Variants in THADA observed in about 807,000 individuals in gnomAD.
THADA encodes THADA armadillo repeat containing, also known as tRNA (32-2'-O)-methyltransferase regulator THADA.
A neutral mutation model predicts 219.8 loss-of-function variants in THADA; 213 were observed. The ratio of observed to expected loss-of-function variants is 0.97; its 90% CI spans 0.87 to 1.09. The LOEUF (loss-of-function observed/expected upper bound fraction) is 1.09. THADA is among the 50% of genes least tolerant of loss of function. THADA has a pLI of 0.00. For synonymous variants in THADA, 1,018 were observed against 828.9 expected, an observed-to-expected ratio of 1.23 and a Z score of -3.92; for missense variants, 2,956 against 2,311.3, an observed-to-expected ratio of 1.28 and a Z score of -5.72.
At chr2:43,595,098 C>T (rs1231912418) in intron 1 of THADA, among the ~76,000 whole-genome samples, 1 of 152,082 alleles carries the variant, frequency 6.6e-6, no homozygotes, top group African/African-American at 2.4e-5. Flanking sequence ...AAACACTTCA[C>T]GAATAAACAA....
At chr2:43,523,309 A>G (rs112146308) in intron 22 of THADA, among the ~76,000 whole-genome samples, 9 of 151,952 alleles carry the variant, frequency 5.9e-5, no homozygotes, top group African/African-American at 2.2e-4. Flanking sequence ...AGAAGTTGCA[A>G]TGAGCCAAGA....
intron 26 of THADA, among the ~76,000 whole-genome samples, chr2:43,453,700 G>A (rs1272056111): frequency 6.6e-6 from 1 of 152,172 alleles, no homozygotes; most frequent in Non-Finnish European, 1.5e-5. Context: ...AAAGGAATTT[G>A]CTTGGCCCCA....
At chr2:43,585,573 T>C (rs1003195459) in intron 7 of THADA, among the ~76,000 whole-genome samples, 1 of 138,362 alleles carries the variant, frequency 7.2e-6, no homozygotes, top group African/African-American at 3.2e-5. Flanking sequence ...GATAGATAGA[T>C]AGATAGAAAG....
chr2:43,533,714 G>A (rs1185202442), intron 21 of THADA, among the ~76,000 whole-genome samples: 1 of 152,122 alleles, frequency 6.6e-6, no homozygotes, highest in Non-Finnish European at 1.5e-5. Context: ...CACAGGGAGG[G>A]GAACATCACA....
intron 26 of THADA, among the ~76,000 whole-genome samples, chr2:43,453,428 G>A (rs1411953810): frequency 6.6e-6 from 1 of 152,122 alleles, no homozygotes; most frequent in Admixed American, 6.5e-5. Context: ...AGAACATTTT[G>A]GACATCTTAG....
chr2:43,239,298 C>T (rs1187396557), intron 36 of THADA, among the ~76,000 whole-genome samples: 1 of 152,186 alleles, frequency 6.6e-6, no homozygotes, highest in East Asian at 1.9e-4. Flanking sequence ...CTATCAGAAA[C>T]CCTGTTATGT....
intron 29 of THADA, among the ~76,000 whole-genome samples, chr2:43,385,906 G>C (rs1391584376): frequency 6.6e-6 from 1 of 150,540 alleles, no homozygotes; most frequent in African/African-American, 2.4e-5. Context: ...AATAATCTTA[G>C]ACCTTTTTAG....
rs1002805504 is a variant in THADA at position 43,286,694 on chromosome 2, C to T, written c.5164+214G>A. Among the ~76,000 whole-genome samples the T allele has an allele frequency of 2.0e-5, 3 of 152,154 alleles. No individual in the cohort carries two copies. The South Asian group carries it at 6.2e-4, about 32-fold the overall frequency. On this transcript the variant is annotated intron_variant, in intron 35 of 37. Transcript: ENST00000405975. The stretch of plus-strand genomic sequence containing the variant: ...AAGCCGAGATCGTACCACTGCACTC[C>T]AGCCTGGGTGACAAGAGTGAAACTC...
chr2:43,343,232 C>T (rs888940227), intron 30 of THADA: 7 of 152,144 alleles, frequency 4.6e-5, no homozygotes, highest in African/African-American at 1.2e-4. Flanking sequence ...GATGGGGTCT[C>T]GTTATGTTGT....
chr2:43,323,497 A>C (rs1287588635), intron 30 of THADA, among the ~76,000 whole-genome samples: 2 of 152,148 alleles, frequency 1.3e-5, no homozygotes, highest in Non-Finnish European at 2.9e-5. Flanking sequence ...TATCATTCCC[A>C]ATGGTAAAAT....
At chr2:43,575,904 T>G (rs755005445) in intron 10 of THADA, among the ~76,000 whole-genome samples, 1 of 152,170 alleles carries the variant, frequency 6.6e-6, no homozygotes, top group Non-Finnish European at 1.5e-5. Flanking sequence ...GGCTTCTCTG[T>G]GATAAAAATA....
intron 3 of THADA, among the ~76,000 whole-genome samples, chr2:43,591,617 T>C (rs1260802389): frequency 3.3e-5 from 5 of 152,126 alleles, no homozygotes; most frequent in Non-Finnish European, 7.4e-5. Context: ...TACTAATAAG[T>C]ATAATCTTTA....
chr2:43,287,831 A>G (rs919731657), intron 34 of THADA, among the ~76,000 whole-genome samples: 2 of 152,192 alleles, frequency 1.3e-5, no homozygotes, highest in African/African-American at 4.8e-5. Context: ...CAGGTGATTA[A>G]GTTCTGAAGA....
chr2:43,414,593 C>T (rs1263106600), intron 28 of THADA, among the ~76,000 whole-genome samples: 1 of 152,160 alleles, frequency 6.6e-6, no homozygotes, highest in Non-Finnish European at 1.5e-5. Flanking sequence ...AAATAAGGAA[C>T]CCACTATTCC....
chr2:43,274,193 C>T (rs1167921626), intron 36 of THADA, among the ~76,000 whole-genome samples: 2 of 152,090 alleles, frequency 1.3e-5, no homozygotes, highest in Non-Finnish European at 2.9e-5. Flanking sequence ...AATCCAAGAC[C>T]CTGACTTCAG....
chr2:43,585,947 T>C (rs778363309), intron 7 of THADA, among the ~76,000 whole-genome samples: 12 of 152,096 alleles, frequency 7.9e-5, no homozygotes, highest in Non-Finnish European at 1.5e-4. Flanking sequence ...CTAAAAAAAA[T>C]TTTAAATAAT....
chr2:43,579,634 A>G (rs926369128), intron 8 of THADA, among the ~76,000 whole-genome samples: 1 of 152,202 alleles, frequency 6.6e-6, no homozygotes, highest in African/African-American at 2.4e-5. Context: ...TTGCAACTAA[A>G]GGTAGGCATA....
At chr2:43,528,736 A>G (rs1482958559) in intron 21 of THADA, among the ~76,000 whole-genome samples, 1 of 152,202 alleles carries the variant, frequency 6.6e-6, no homozygotes, top group Non-Finnish European at 1.5e-5. Flanking sequence ...ACAAAGCGAC[A>G]ACACTCACAC....
At chr2:43,325,298 G>C (rs1679196512) in intron 30 of THADA, among the ~76,000 whole-genome samples, 1 of 147,090 alleles carries the variant, frequency 6.8e-6, no homozygotes, top group South Asian at 2.2e-4. Flanking sequence ...GTGGCTGCAG[G>C]TTTTTTTTTT....
Sources: allele counts gnomAD v4.1 joint callset (sites outside exome capture counted in the v4.1 genomes callset), GRCh38; gene constraint gnomAD v4.1.1; transcripts MANE v1.5; gene names NCBI Gene and HGNC (gene_info 2026-07-23, HGNC 2026-07-21).